The following CNGA1 variants were observed in gnomAD, a reference collection of about 807,000 sequenced individuals.
CNGA1 encodes the protein cyclic nucleotide gated channel subunit alpha 1, also known as cyclic nucleotide-gated channel alpha-1.
A neutral mutation model predicts 69.7 loss-of-function variants in CNGA1; 53 were observed. The ratio of observed to expected loss-of-function variants is 0.76; its 90% confidence interval spans 0.61 to 0.96. The LOEUF (loss-of-function observed/expected upper bound fraction) is 0.96. CNGA1 is among the 40% of genes least tolerant of loss of function. The pLI, the probability that CNGA1 is intolerant of heterozygous loss-of-function variation, is 0.00. For missense variants in CNGA1, 739 were observed against 811.2 expected (o/e 0.91, Z 1.08); for synonymous variants, 249 against 283.5 (o/e 0.88, Z 1.22).
At chr4:47,944,418 G>C (rs939072082) in intron 6 of CNGA1, among the ~76,000 whole-genome samples, 1 of 152,168 alleles carries the variant, frequency 6.6e-6, no homozygotes, top group African/African-American at 2.4e-5. Flanking sequence ...TTACTGCTAT[G>C]GGAGTACACT....
At chr4:47,991,899 C>T (rs1291670453) in intron 2 of CNGA1, among the ~76,000 whole-genome samples, 2 of 152,106 alleles carry the variant, frequency 1.3e-5, no homozygotes, top group East Asian at 3.9e-4. Flanking sequence ...AGCCAATTAT[C>T]CAAGCACCAT....
At chr4:47,984,883 AC>A (rs927924895) in intron 2 of CNGA1, among the ~76,000 whole-genome samples, 1 of 151,928 alleles carries the variant, frequency 6.6e-6, no homozygotes, top group Non-Finnish European at 1.5e-5. Context: ...AATGTGGAAG[AC>A]CTTTTTGTTT....
At chr4:47,948,723 G>C (rs375065811) in intron 6 of CNGA1, among the ~76,000 whole-genome samples, 1 of 152,172 alleles carries the variant, frequency 6.6e-6, no homozygotes, top group Non-Finnish European at 1.5e-5. Flanking sequence ...TTGCACCTAG[G>C]TGGTCTTTTG....
intron 2 of CNGA1, among the ~76,000 whole-genome samples, chr4:48,009,774 A>G (rs1715071249): frequency 6.6e-6 from 1 of 152,226 alleles, no homozygotes; most frequent in Non-Finnish European, 1.5e-5. Context: ...ATTGCACTCC[A>G]GCCTGGGCGA....
chr4:47,939,074 A>C (rs963639985), intron 10 of CNGA1, among the ~76,000 whole-genome samples: 8 of 152,096 alleles, frequency 5.3e-5, no homozygotes, highest in Non-Finnish European at 1.0e-4. Context: ...GGAAAGAAAG[A>C]AAAAGAAAAG....
chr4:47,977,858 T>A lies in CNGA1; in HGVS notation c.-15+3535A>T, dbSNP rs375740675. On this transcript the variant is annotated intron_variant, in intron 3 of 10. Coordinates refer to ENST00000514170, the MANE Select transcript of CNGA1 (RefSeq NM_001379270.1). ...TTTTTTTTCTTGAGACAGAGTTTCATTCTTGTTGCCCAGGCTGGAGTGCAA... is the reference window on the plus strand; with the variant it reads ...TTTTTTTTCTTGAGACAGAGTTTCAATCTTGTTGCCCAGGCTGGAGTGCAA... Among the ~76,000 whole-genome samples, 404 of 151,426 alleles carry A rather than the reference T, an allele frequency of 2.7e-3. 2 individuals are homozygous for A. The highest frequency in any genetic ancestry group is 0.014 in the Middle Eastern group (4 of 294).
At chr4:47,971,901 C>CAAAT (rs1176240907) in intron 3 of CNGA1, among the ~76,000 whole-genome samples, 1 of 124,836 alleles carries the variant, frequency 8.0e-6, no homozygotes, top group African/African-American at 2.7e-5. Flanking sequence ...GAAAAACAAA[C>CAAAT]AAACAAACAA....
chr4:48,014,673 G>A (rs1364063628), intron 1 of CNGA1, among the ~76,000 whole-genome samples: 1 of 152,176 alleles, frequency 6.6e-6, no homozygotes, highest in East Asian at 1.9e-4. Flanking sequence ...AGTGGGGGTA[G>A]TAGTATCTAC....
chr4:47,991,442 T>C (rs987919667), intron 2 of CNGA1, among the ~76,000 whole-genome samples: 19 of 152,362 alleles, frequency 1.2e-4, no homozygotes, highest in Non-Finnish European at 2.4e-4. Flanking sequence ...TTTCATATGT[T>C]TGTTTGCCAT....
At chr4:47,997,329 T>C (rs902591478) in intron 2 of CNGA1, among the ~76,000 whole-genome samples, 21 of 152,174 alleles carry the variant, frequency 1.4e-4, no homozygotes, top group African/African-American at 4.1e-4. Context: ...TGGATATCTA[T>C]GTACTACATT....
At chr4:47,971,650 T>A (rs1215618656) in intron 3 of CNGA1, among the ~76,000 whole-genome samples, 2 of 152,050 alleles carry the variant, frequency 1.3e-5, no homozygotes, top group Non-Finnish European at 1.5e-5. Context: ...CCAGCAAACT[T>A]TGGGAGGCCA....
rs1578076849 is a variant in CNGA1 at position 47,951,392 on chromosome 4, A to G, written c.185T>C (p.Phe62Ser). The G allele has an allele frequency of 6.2e-7, 1 of 1,613,606 alleles. No homozygotes were observed. ...ENENPHARGSFSYKSLRKGGP... is the reference protein window; with the variant it reads ...ENENPHARGSSSYKSLRKGGP... ...TCCCTTTCTGAGTGACTTATAACTA[A>G]AGGAACCCCTTGCATGAGGGTTTTC... The change falls in exon 5 of 11, where the codon TTT becomes TCT. Residue 62 changes from phenylalanine (F) to serine (S), a missense_variant. Coordinates refer to ENST00000514170, the MANE Select transcript of CNGA1 (RefSeq NM_001379270.1).
At chr4:47,959,605 A>G (rs1051636266) in intron 3 of CNGA1, among the ~76,000 whole-genome samples, 4 of 152,106 alleles carry the variant, frequency 2.6e-5, no homozygotes, top group Non-Finnish European at 5.9e-5. Flanking sequence ...AAGACACTCA[A>G]TCTAAAAGAA....
chr4:47,952,735 G>T, intron 3 of CNGA1, 32 bp from the exon 4 acceptor site: 1 of 1,496,012 alleles, frequency 6.7e-7, no homozygotes. Flanking sequence ...TAGTGGAAAG[G>T]CTATTTTTAT....
chr4:47,942,952 G>C (rs1578067870), intron 8 of CNGA1: 1 of 394,752 alleles, frequency 2.5e-6, no homozygotes, highest in East Asian at 4.8e-5. Flanking sequence ...ATTCTTGAGA[G>C]AATTAAGAAT....
chr4:47,942,255 G>A (rs1168742183), intron 8 of CNGA1, 107 bp from the exon 9 acceptor site: 2 of 752,994 alleles, frequency 2.7e-6, no homozygotes, highest in Non-Finnish European at 4.8e-6. Flanking sequence ...TGAAATGGAA[G>A]TAAGCTGGAG....
At chr4:48,002,097 T>C (rs1010922185) in intron 2 of CNGA1, among the ~76,000 whole-genome samples, 3 of 152,154 alleles carry the variant, frequency 2.0e-5, no homozygotes, top group Admixed American at 2.0e-4. Context: ...TGAAAGAGAA[T>C]AAAGGTTTAA....
At chr4:48,001,770 C>T (rs953306750) in intron 2 of CNGA1, among the ~76,000 whole-genome samples, 1 of 152,110 alleles carries the variant, frequency 6.6e-6, no homozygotes, top group African/African-American at 2.4e-5. Flanking sequence ...TCCACCAAGA[C>T]AGATCATATG....
chr4:47,962,491 G>T (rs538647998), intron 3 of CNGA1, among the ~76,000 whole-genome samples: 1 of 152,096 alleles, frequency 6.6e-6, no homozygotes, highest in African/African-American at 2.4e-5. Flanking sequence ...AATTTACTGG[G>T]TTCTTACTAT....
Sources: allele counts gnomAD v4.1 joint callset (sites outside exome capture counted in the v4.1 genomes callset), GRCh38; gene constraint gnomAD v4.1.1; transcripts MANE v1.5; gene names NCBI Gene and HGNC (gene_info 2026-07-23, HGNC 2026-07-21).